Variants in PRSS57 observed in about 807,000 individuals in gnomAD.
PRSS57 encodes serine protease 57.
Under a neutral mutation model 20.6 loss-of-function variants are expected in PRSS57, and 19 were observed. That is an observed-to-expected ratio of 0.92 (90% CI 0.64 to 1.35). PRSS57 has a LOEUF of 1.35. Ranked by LOEUF, PRSS57 falls within the 40% of genes most tolerant of loss-of-function variation. The pLI is 0.00. For missense variants in PRSS57, 440 were observed against 403.7 expected, an observed-to-expected ratio of 1.09 and a Z score of -0.77; for synonymous variants, 203 against 176.6, an observed-to-expected ratio of 1.15 and a Z score of -1.19.
intron 2 of PRSS57, among the ~76,000 whole-genome samples, chr19:692,833 A>G (rs192786869): frequency 7.2e-5 from 11 of 152,182 alleles, no homozygotes; most frequent in African/African-American, 2.6e-4. Context: ...ATAAAAACAT[A>G]TTTAGAATGA....
At chr19:686,777 C>A (rs1287110672) in intron 4 of PRSS57, 148 bp downstream of exon 4, 2 of 1,010,182 alleles carry the variant, frequency 2.0e-6, no homozygotes, top group African/African-American at 1.6e-5. Context: ...TGACCCTTGC[C>A]AACTCCCTGC....
Position 690,613 on chromosome 19 carries a change from C to G in PRSS57, c.378+1245G>C, listed in dbSNP as rs1457419210. ...TTGACCTTTTCCTGAGGGCCTCTCT[C>G]CAGGACGAGGTTTTGGAGATTATGC... is the stretch of plus-strand genomic sequence containing the variant. On this transcript the variant is annotated intron_variant, in intron 3 of 4. Transcript: ENST00000329267. 1.2e-5 allele frequency: 3 copies of G among 253,188 alleles called. No homozygotes were observed. The East Asian group carries it at 3.0e-4, about 26-fold the overall frequency. The allele number at this position is 253,188 out of a possible 1,614,324, so 15.7% of individuals were successfully genotyped here. A position where few individuals can be genotyped will look rare whatever the true frequency, so the allele number is the denominator to read the frequency against.
chr19:688,023 G>A (rs2031526448), intron 3 of PRSS57, among the ~76,000 whole-genome samples: 1 of 152,222 alleles, frequency 6.6e-6, no homozygotes, highest in Non-Finnish European at 1.5e-5. Flanking sequence ...AGCCTGTTGA[G>A]GCCGGTTTAC....
chr19:693,679 C>T (rs1165631431), intron 2 of PRSS57, among the ~76,000 whole-genome samples: 1 of 152,074 alleles, frequency 6.6e-6, no homozygotes. Context: ...AGTGATTCTC[C>T]TACCTCAGCC....
In PRSS57 at chr19:695,375, A is replaced by T; in HGVS notation, c.56T>A (p.Leu19Gln). The T allele has an allele frequency of 7.8e-7, 1 of 1,282,166 alleles. No individual in the cohort carries two copies. Among genetic ancestry groups the T allele is most frequent in the Non-Finnish European group, 9.9e-7 (1 of 1,009,616 alleles). 79.4% of individuals were successfully genotyped at this position (1,282,166 alleles called of 1,614,324 possible). A position where few individuals can be genotyped will look rare whatever the true frequency, so the allele number is the denominator to read the frequency against. ...GRPLLTVATALMLPVKPPGSW... is the reference protein window; with the variant it reads ...GRPLLTVATAQMLPVKPPGSW... The stretch of plus-strand genomic sequence containing the variant: ...ACCGGGGGGCTTCACGGGCAGCATC[A>T]GGGCGGTGGCCACAGTCAGCAGAGG... Residue 19 changes from leucine to glutamine, a missense_variant, in exon 1 of 5, where the codon CTG becomes CAG. By Grantham distance (113) the Leu-to-Gln change is moderately radical (BLOSUM62 -2). Transcript: ENST00000329267.
chr19:688,535 G>A (rs921831642), intron 3 of PRSS57, among the ~76,000 whole-genome samples: 1 of 151,316 alleles, frequency 6.6e-6, no homozygotes, highest in East Asian at 1.9e-4. Flanking sequence ...AGGGGGCCAG[G>A]CGGGTCTGCA....
At chr19:691,044 G>T in intron 3 of PRSS57, 1 of 320,960 alleles carries the variant, frequency 3.1e-6, no homozygotes, top group Admixed American at 3.8e-5. Context: ...TCCTCTCTAA[G>T]ACCTACAGCT....
chr19:693,048 C>G (rs1599119237), intron 2 of PRSS57, among the ~76,000 whole-genome samples: 1 of 151,736 alleles, frequency 6.6e-6, no homozygotes, highest in East Asian at 1.9e-4. Flanking sequence ...CTGCCTCAGC[C>G]TCCTGAATAG....
In PRSS57 at chr19:686,929, C is replaced by T. The variant is rs751132746; in HGVS notation, c.638G>A (p.Cys213Tyr). 1 of 1,612,986 alleles carries T rather than the reference C, an allele frequency of 6.2e-7. No homozygotes were observed. Among genetic ancestry groups the T allele is most frequent in the Non-Finnish European group, 8.5e-7 (1 of 1,179,348 alleles). ...GGAGCAGGGAGGGGATCTTACCGAGCAGAAGCCCCGTCTGTGGCTGTCCCC... is the reference window on the plus strand; with the variant it reads ...GGAGCAGGGAGGGGATCTTACCGAGTAGAAGCCCCGTCTGTGGCTGTCCCC... The part of the protein sequence containing the change: ...RSGDSHRRGF[C>Y]SADSGGPLVC... The change falls in exon 4 of 5, where the codon TGC (cysteine) becomes TAC (tyrosine). Residue 213 changes from cysteine (C) to tyrosine (Y), a missense_variant. Coordinates refer to ENST00000329267, the MANE Select transcript of PRSS57 (RefSeq NM_001308209.2).
intron 3 of PRSS57, chr19:691,045 A>C: frequency 3.2e-6 from 1 of 316,562 alleles, no homozygotes. Flanking sequence ...CCTCTCTAAG[A>C]CCTACAGCTG....
chr19:691,024 G>A (rs772964030), intron 3 of PRSS57: 34 of 373,978 alleles, frequency 9.1e-5, no homozygotes, highest in Non-Finnish European at 1.2e-4. Flanking sequence ...TGCCAAGGCC[G>A]CCTCTGATAT....
intron 2 of PRSS57, 35 bp from the exon 3 acceptor site, chr19:692,037 A>G (rs2144815395): frequency 7.7e-7 from 1 of 1,291,168 alleles, no homozygotes; most frequent in Non-Finnish European, 9.9e-7. Context: ...GACGGGGGTG[A>G]GGGCTGCCCG....
intron 3 of PRSS57, among the ~76,000 whole-genome samples, chr19:687,517 C>T (rs551522397): frequency 6.6e-6 from 1 of 152,310 alleles, no homozygotes; most frequent in East Asian, 1.9e-4. Flanking sequence ...CCGATTTCTC[C>T]TGCCTCAGCC....
intron 2 of PRSS57, among the ~76,000 whole-genome samples, chr19:693,442 C>G (rs1223594221): frequency 6.6e-6 from 1 of 152,008 alleles, no homozygotes; most frequent in African/African-American, 2.4e-5. Flanking sequence ...GGCTGCCCGT[C>G]TGGGCCTCAG....
At chr19:688,115 G>A (rs2031528516) in intron 3 of PRSS57, among the ~76,000 whole-genome samples, 1 of 152,244 alleles carries the variant, frequency 6.6e-6, no homozygotes, top group African/African-American at 2.4e-5. Flanking sequence ...TTGGCACACA[G>A]CTGATGCTCA....
At position 694,953 on chromosome 19, in the gene PRSS57, G is replaced by A. The variant is rs1005399823; in HGVS notation, c.94C>T (p.Gln32Ter). Reference protein sequence around the residue: ...PVKPPGSWGAQIIGGHEVTPH... With the variant: ...PVKPPGSWGA ...GTCACCTCGTGGCCCCCGATGATCTGGGCCCCCCAGGAGCCTGCTGGAGGG... is the reference window on the plus strand; with the variant it reads ...GTCACCTCGTGGCCCCCGATGATCTAGGCCCCCCAGGAGCCTGCTGGAGGG... Residue 32 changes from glutamine (Q) to a stop codon, truncating the protein, a stop_gained, in exon 2 of 5, where the codon CAG (glutamine) becomes TAG (stop). Transcript: ENST00000329267. LOFTEE classifies it high-confidence loss of function. 2 of 1,558,968 alleles carry A rather than the reference G, an allele frequency of 1.3e-6. No homozygotes were observed. Among genetic ancestry groups the A allele is most frequent in the Non-Finnish European group, 1.7e-6 (2 of 1,153,470 alleles).
chr19:695,252 A>C, intron 1 of PRSS57, 100 bp downstream of exon 1: 1 of 533,370 alleles, frequency 1.9e-6, no homozygotes, highest in Non-Finnish European at 2.9e-6. Flanking sequence ...GAGCAGGTGG[A>C]GCTCTCCCCA....
At chr19:691,068 C>T in intron 3 of PRSS57, 1 of 265,868 alleles carries the variant, frequency 3.8e-6, no homozygotes, top group Non-Finnish European at 7.4e-6. Flanking sequence ...TGACCCCTGA[C>T]CTCTGTATTC....
chr19:685,779 C>T lies in PRSS57; in HGVS notation c.786G>A (p.Arg262=), dbSNP rs373120321. 6.4e-7 allele frequency: 1 copy of T among 1,567,030 alleles called. No homozygotes were observed. Among genetic ancestry groups the T allele is most frequent in the South Asian group, 1.2e-5 (1 of 85,436 alleles). The change falls in exon 5 of 5, where the codon CGG becomes CGA. Residue 262 remains arginine (R), a synonymous_variant. Coordinates refer to ENST00000329267, the MANE Select transcript of PRSS57 (RefSeq NM_001308209.2). The part of the protein sequence containing the change: ...AFVAWIWDVV[R]RSSPQPGPLP... ...GGGGGCCGGGCTGGGGACTGCTCCG[C>T]CGAACCACGTCCCAGATCCAGGCCA...
Sources: gnomAD v4.1 joint callset for allele counts (sites outside exome capture counted in the v4.1 genomes callset) on GRCh38, gnomAD v4.1.1 for gene constraint, MANE v1.5 for transcripts, NCBI Gene and HGNC (gene_info 2026-07-23, HGNC 2026-07-21) for gene names.